Variants in SMARCC1 observed in about 807,000 individuals in gnomAD.
The protein encoded by SMARCC1 is SWI/SNF related BAF chromatin remodeling complex subunit C1, also known as SWI/SNF complex subunit SMARCC1.
In SMARCC1, 43 loss-of-function variants were observed where a neutral mutation model predicts 147.4. The observed-to-expected ratio is 0.29, with a 90% CI of 0.23 to 0.38. The LOEUF (loss-of-function observed/expected upper bound fraction) is 0.38. Among genes scored for constraint, SMARCC1 ranks in the 10% least tolerant of loss-of-function variants. The probability of loss-of-function intolerance (pLI) is 1.00; values close to 1 mark genes in which losing one functional copy is unlikely to be tolerated. For missense variants in SMARCC1, 1,119 were observed against 1,381.1 expected, an observed-to-expected ratio of 0.81 and a Z score of 3.01; for synonymous variants, 495 against 484.4, an observed-to-expected ratio of 1.02 and a Z score of -0.29.
intron 5 of SMARCC1, among the ~76,000 whole-genome samples, chr3:47,733,071 C>T (rs535640255): frequency 6.6e-6 from 1 of 152,008 alleles, no homozygotes; most frequent in Non-Finnish European, 1.5e-5. Context: ...CACACCACTG[C>T]GCTCCAGCTG....
chr3:47,705,361 T>C (rs1382552199), intron 10 of SMARCC1, among the ~76,000 whole-genome samples: 1 of 150,364 alleles, frequency 6.7e-6, no homozygotes, highest in African/African-American at 2.4e-5. Flanking sequence ...TAAAAAATAG[T>C]TACCCCATAA....
chr3:47,643,286 A>G (rs1576396971), intron 21 of SMARCC1, among the ~76,000 whole-genome samples: 1 of 152,288 alleles, frequency 6.6e-6, no homozygotes, highest in Non-Finnish European at 1.5e-5. Flanking sequence ...TCACACTTTG[A>G]GTAGCAATGC....
intron 14 of SMARCC1, among the ~76,000 whole-genome samples, chr3:47,683,337 C>T (rs534602943): frequency 6.6e-6 from 1 of 152,028 alleles, no homozygotes; most frequent in Non-Finnish European, 1.5e-5. Context: ...TGAGCCATCG[C>T]GCCCGGCCTA....
rs564208165 is a variant in SMARCC1, at chr3:47,717,117, A to C, written c.717-2627T>G. On this transcript the variant is annotated intron_variant, in intron 7 of 27. Coordinates refer to ENST00000254480, the MANE Select transcript of SMARCC1 (RefSeq NM_003074.4). ...CTAAAGACAAACTTCCTTCTTTTAA[A>C]AATATAATTACAAGCAAAATAAACT... Among the ~76,000 whole-genome samples, 16 of 152,334 alleles carry C rather than the reference A, an allele frequency of 1.1e-4. No homozygotes were observed. The South Asian group carries it at 3.3e-3, about 32-fold the overall frequency.
intron 12 of SMARCC1, among the ~76,000 whole-genome samples, chr3:47,691,351 C>T (rs1160879641): frequency 6.6e-6 from 1 of 152,068 alleles, no homozygotes; most frequent in Non-Finnish European, 1.5e-5. Context: ...TGGTGGCTCA[C>T]GCCTGTAATC....
chr3:47,772,326 A>G (rs886848442), intron 2 of SMARCC1, among the ~76,000 whole-genome samples: 1 of 151,596 alleles, frequency 6.6e-6, no homozygotes, highest in Non-Finnish European at 1.5e-5. Flanking sequence ...CCGGGAGATC[A>G]AGGCTGCAGT....
chr3:47,646,806 C>T (rs2033125805), intron 21 of SMARCC1, among the ~76,000 whole-genome samples: 1 of 152,100 alleles, frequency 6.6e-6, no homozygotes, highest in African/African-American at 2.4e-5. Context: ...AAAATCAGTC[C>T]CCCAGCCATC....
At chr3:47,780,234 C>T (rs1249623834) in intron 1 of SMARCC1, among the ~76,000 whole-genome samples, 1 of 118,348 alleles carries the variant, frequency 8.4e-6, no homozygotes, top group African/African-American at 3.3e-5. Context: ...TGCAATGGTG[C>T]AATCTCGGCT....
intron 18 of SMARCC1, among the ~76,000 whole-genome samples, chr3:47,675,092 C>A (rs191989395): frequency 5.6e-4 from 86 of 152,256 alleles, no homozygotes; most frequent in African/African-American, 1.9e-3. Context: ...CCCCTCCCTA[C>A]CTCAATCCAA....
intron 24 of SMARCC1, among the ~76,000 whole-genome samples, chr3:47,624,512 T>C (rs1168689717): frequency 2.6e-5 from 4 of 152,190 alleles, no homozygotes; most frequent in Non-Finnish European, 5.9e-5. Flanking sequence ...AAAATGCCTT[T>C]CAACTCTGAG....
At chr3:47,772,285 T>C (rs2034923421) in intron 2 of SMARCC1, among the ~76,000 whole-genome samples, 1 of 151,942 alleles carries the variant, frequency 6.6e-6, no homozygotes, top group Admixed American at 6.6e-5. Flanking sequence ...TCCCAGCCTC[T>C]TGGGAACCTG....
intron 20 of SMARCC1, among the ~76,000 whole-genome samples, chr3:47,662,043 G>A (rs1206453794): frequency 1.3e-5 from 2 of 150,434 alleles, no homozygotes; most frequent in African/African-American, 4.9e-5. Context: ...CCCAGGGGAT[G>A]GAGTGCAGTG....
At chr3:47,761,076 T>C (rs1242301186) in intron 2 of SMARCC1, among the ~76,000 whole-genome samples, 1 of 151,942 alleles carries the variant, frequency 6.6e-6, no homozygotes, top group Non-Finnish European at 1.5e-5. Context: ...GAGGCTGCAG[T>C]GAGCTGAGAT....
intron 21 of SMARCC1, among the ~76,000 whole-genome samples, chr3:47,651,944 T>C (rs1217529280): frequency 6.6e-6 from 1 of 152,208 alleles, no homozygotes; most frequent in African/African-American, 2.4e-5. Flanking sequence ...CACAGGCTCA[T>C]GCACTGAATG....
chr3:47,613,440 G>T (rs1576387608), intron 25 of SMARCC1, among the ~76,000 whole-genome samples: 1 of 150,158 alleles, frequency 6.7e-6, no homozygotes, highest in East Asian at 2.0e-4. Flanking sequence ...CTAGAGTGCA[G>T]TGGTCGCCTT....
At chr3:47,675,696 C>G (rs1179392710) in intron 17 of SMARCC1, 108 bp from the exon 18 acceptor site, 1 of 594,216 alleles carries the variant, frequency 1.7e-6, no homozygotes, top group Non-Finnish European at 3.0e-6. Context: ...ACCTATAATC[C>G]CAGCACTTTG....
chr3:47,659,117 C>CAA (rs35464509), intron 21 of SMARCC1, among the ~76,000 whole-genome samples: 1,285 of 96,512 alleles, frequency 0.013, 35 homozygotes, highest in South Asian at 0.027. Context: ...GACTCTGTCT[C>CAA]AAAAAAAAAA....
At chr3:47,743,388 C>A (rs1371048728) in intron 3 of SMARCC1, among the ~76,000 whole-genome samples, 1 of 152,130 alleles carries the variant, frequency 6.6e-6, no homozygotes, top group African/African-American at 2.4e-5. Context: ...TCCTTTACGT[C>A]TTTTTTAGTC....
intron 1 of SMARCC1, among the ~76,000 whole-genome samples, chr3:47,775,728 C>A: frequency 6.6e-6 from 1 of 151,864 alleles, no homozygotes; most frequent in East Asian, 2.0e-4. Context: ...ACCCAGATCG[C>A]GATCGTGCCA....
Sources: gnomAD v4.1 joint callset for allele counts (sites outside exome capture counted in the v4.1 genomes callset) on GRCh38, gnomAD v4.1.1 for gene constraint, MANE v1.5 for transcripts, NCBI Gene and HGNC (gene_info 2026-07-23, HGNC 2026-07-21) for gene names.